Variants in HPSE2 observed in about 807,000 individuals in gnomAD.
HPSE2 encodes the protein heparanase 2 (inactive), also known as inactive heparanase-2.
A neutral mutation model predicts 60.5 loss-of-function variants in HPSE2; 38 were observed. That is an observed-to-expected ratio of 0.63 (90% CI 0.48 to 0.82). The LOEUF (loss-of-function observed/expected upper bound fraction) is 0.82. HPSE2 is among the 40% of genes least tolerant of loss of function. HPSE2 has a pLI of 0.00. For missense variants in HPSE2, 713 were observed against 740.4 expected (o/e 0.96, Z 0.43); for synonymous variants, 295 against 293.2 (o/e 1.01, Z -0.06).
chr10:99,103,320 G>C (rs1341266825), intron 3 of HPSE2, among the ~76,000 whole-genome samples: 1 of 151,908 alleles, frequency 6.6e-6, no homozygotes, highest in East Asian at 1.9e-4. Flanking sequence ...AAAATCACAA[G>C]CATTCTTATA....
chr10:99,184,807 TATATATATATATAGAGAGAGAGAGAG>T lies in HPSE2; in HGVS notation c.449-40434_449-40409del, dbSNP rs1159806841. On this transcript the variant is annotated intron_variant, in intron 2 of 11. Transcript: ENST00000370552. The stretch of plus-strand genomic sequence containing the variant: ...AAAATTATATATATATATATATATA[TATATATATATATAGAGAGAGAGAGAG>T]AGAGAGAGAGAGAGAGAGAGAGAGA... 6.8e-3 allele frequency among the ~76,000 whole-genome samples: 246 copies of T among 36,162 alleles called. 10 individuals carry two copies. Among genetic ancestry groups the T allele is most frequent in the Middle Eastern group, 0.032 (2 of 62 alleles). 23.7% of individuals were successfully genotyped at this position (36,162 alleles called of 152,430 possible).
At chr10:98,473,180 A>G (rs1291293563) in intron 11 of HPSE2, among the ~76,000 whole-genome samples, 1 of 152,106 alleles carries the variant, frequency 6.6e-6, no homozygotes, top group African/African-American at 2.4e-5. Context: ...CTAAGTTTGG[A>G]TGAGGTAAGA....
intron 2 of HPSE2, among the ~76,000 whole-genome samples, chr10:99,164,555 C>A (rs1039532428): frequency 2.0e-5 from 3 of 151,946 alleles, no homozygotes; most frequent in Admixed American, 1.3e-4. Flanking sequence ...AAGATTTAGG[C>A]ACCACATGTG....
chr10:99,144,384 T>A lies in HPSE2; in HGVS notation c.464A>T (p.Asp155Val), dbSNP rs1166363732. The change falls in exon 3 of 12, where the codon GAT becomes GTT. Residue 155 changes from aspartate to valine, a missense_variant. Coordinates refer to ENST00000370552, the MANE Select transcript of HPSE2 (RefSeq NM_021828.5). Reference sequence around the variant, plus strand: ...GCCTTTCTGTTTATCTAAGGCAACATCACTTCGAACAATGTCTACAAAAAG... The same window carrying A: ...GCCTTTCTGTTTATCTAAGGCAACAACACTTCGAACAATGTCTACAAAAAG... The part of the protein sequence containing the change: ...KNYEDDIVRS[D>V]VALDKQKGCK... The A allele has an allele frequency of 6.2e-7, 1 of 1,613,714 alleles. No homozygotes were observed. Among genetic ancestry groups the A allele is most frequent in the Middle Eastern group, 1.6e-4 (1 of 6,062 alleles).
At chr10:98,705,865 G>A (rs922082063) in intron 5 of HPSE2, among the ~76,000 whole-genome samples, 10 of 152,112 alleles carry the variant, frequency 6.6e-5, no homozygotes, top group East Asian at 1.9e-4. Flanking sequence ...CATGACACAT[G>A]TAGACCTATG....
At chr10:98,547,865 C>T (rs1339210758) in intron 9 of HPSE2, among the ~76,000 whole-genome samples, 1 of 151,628 alleles carries the variant, frequency 6.6e-6, no homozygotes, top group Non-Finnish European at 1.5e-5. Flanking sequence ...ACTCAAGTGA[C>T]GATATTGAAA....
upstream of HPSE2, among the ~76,000 whole-genome samples, chr10:99,237,972 T>C (rs962946263): frequency 6.6e-6 from 1 of 152,190 alleles, no homozygotes; most frequent in African/African-American, 2.4e-5. Context: ...TCCAGAACAA[T>C]GTGAAAAATA....
At chr10:98,637,057 G>C (rs1946518727) in intron 7 of HPSE2, among the ~76,000 whole-genome samples, 2 of 152,158 alleles carry the variant, frequency 1.3e-5, no homozygotes, top group African/African-American at 4.8e-5. Flanking sequence ...ATGTACACAT[G>C]ATCATCATCA....
chr10:99,242,448 A>G, the HPSE2 span, among the ~76,000 whole-genome samples: 3,094 of 152,308 alleles, frequency 0.02, 115 homozygotes, highest in East Asian at 0.16. Context: ...ACCATAATAA[A>G]TGTGATTGAC....
At chr10:98,560,578 G>A (rs991492978) in intron 9 of HPSE2, among the ~76,000 whole-genome samples, 6 of 152,082 alleles carry the variant, frequency 3.9e-5, no homozygotes, top group African/African-American at 1.4e-4. Context: ...TTTCTTCACC[G>A]AGTGTATTTT....
At chr10:99,229,847 T>C (rs891281432) in intron 2 of HPSE2, among the ~76,000 whole-genome samples, 13 of 152,230 alleles carry the variant, frequency 8.5e-5, no homozygotes, top group African/African-American at 3.1e-4. Flanking sequence ...AAGGCTTAAT[T>C]ACTTTAAGAT....
At chr10:98,606,607 T>C (rs773047063) in intron 9 of HPSE2, among the ~76,000 whole-genome samples, 2 of 152,230 alleles carry the variant, frequency 1.3e-5, no homozygotes, top group East Asian at 1.9e-4. Context: ...GTGTGTTCTA[T>C]TGAATCCTTT....
intron 4 of HPSE2, among the ~76,000 whole-genome samples, chr10:98,736,152 A>G (rs908183755): frequency 2.6e-5 from 4 of 151,658 alleles, no homozygotes; most frequent in African/African-American, 7.3e-5. Context: ...TACTGTTCTC[A>G]TGGTAGTGAA....
chr10:98,710,095 G>T (rs1948639906), intron 5 of HPSE2, among the ~76,000 whole-genome samples: 1 of 152,194 alleles, frequency 6.6e-6, no homozygotes. Context: ...CTGAGTTATA[G>T]TAAACCAGGC....
intron 9 of HPSE2, among the ~76,000 whole-genome samples, chr10:98,581,855 T>C (rs1349488071): frequency 1.3e-5 from 2 of 152,234 alleles, no homozygotes; most frequent in African/African-American, 4.8e-5. Context: ...TTTAATAATA[T>C]GTGTGTAAGC....
intron 3 of HPSE2, among the ~76,000 whole-genome samples, chr10:98,992,350 T>C (rs1458333364): frequency 1.3e-5 from 2 of 152,168 alleles, no homozygotes; most frequent in Non-Finnish European, 2.9e-5. Context: ...TTAGTAATAA[T>C]TCTCTAAAAG....
chr10:99,197,347 T>C (rs1190386160), intron 2 of HPSE2, among the ~76,000 whole-genome samples: 1 of 152,144 alleles, frequency 6.6e-6, no homozygotes, highest in Non-Finnish European at 1.5e-5. Context: ...AAAATGTACA[T>C]TTTAAAATAA....
chr10:98,892,705 G>A (rs1953370557), intron 3 of HPSE2, among the ~76,000 whole-genome samples: 2 of 152,160 alleles, frequency 1.3e-5, no homozygotes, highest in South Asian at 4.1e-4. Context: ...TGTCTGACAA[G>A]TAAAATAAAT....
At chr10:99,290,949 A>G in the HPSE2 span, among the ~76,000 whole-genome samples, 1 of 152,206 alleles carries the variant, frequency 6.6e-6, no homozygotes, top group East Asian at 1.9e-4. Context: ...TCCTAGGGAT[A>G]GTCACTGACA....
Sources: allele counts gnomAD v4.1 joint callset (sites outside exome capture counted in the v4.1 genomes callset), GRCh38; gene constraint gnomAD v4.1.1; transcripts MANE v1.5; gene names NCBI Gene and HGNC (gene_info 2026-07-23, HGNC 2026-07-21).